CHN1: variants seen among roughly 807,000 people sequenced by gnomAD.
CHN1 encodes the protein N-chimaerin.
CHN1 carries 37 observed loss-of-function variants against 59.5 expected under a neutral mutation model. The observed-to-expected ratio is 0.62, with a 90% confidence interval of 0.48 to 0.82. The LOEUF (loss-of-function observed/expected upper bound fraction) is 0.82. Among genes scored for constraint, CHN1 ranks in the 40% least tolerant of loss-of-function variants. CHN1 has a pLI of 0.00. For synonymous variants in CHN1, 206 were observed against 200.4 expected (o/e 1.03, Z -0.24); for missense variants, 469 against 571.0 (o/e 0.82, Z 1.82).
chr2:174,831,278 T>G (rs981233333), intron 7 of CHN1, among the ~76,000 whole-genome samples: 1 of 152,254 alleles, frequency 6.6e-6, no homozygotes, highest in African/African-American at 2.4e-5. Context: ...TATGGTTTCC[T>G]TTATGATCCA....
Position 175,004,818 on chromosome 2 carries a change from A to G in CHN1, c.19+76T>C, listed in dbSNP as rs2105479204. 14 of 955,890 alleles carry G rather than the reference A, an allele frequency of 1.5e-5. No homozygotes were observed. The South Asian group carries it at 6.4e-4, about 44-fold the overall frequency. 59.2% of individuals were successfully genotyped at this position (955,890 alleles called of 1,614,324 possible). ...CGCCGCGCCCCCTCCCCGGGCGCCC[A>G]GGCCCCCCAGGCCCCCGCCCCCGAG... On this transcript the variant is annotated intron_variant, in intron 1 of 12. Coordinates refer to ENST00000409900, the MANE Select transcript of CHN1 (RefSeq NM_001822.7).
intron 1 of CHN1, among the ~76,000 whole-genome samples, chr2:174,972,116 G>A (rs1479429278): frequency 2.0e-5 from 3 of 152,092 alleles, no homozygotes; most frequent in Non-Finnish European, 4.4e-5. Context: ...TATCCCTTAT[G>A]GTCAGGTTCA....
intron 7 of CHN1, among the ~76,000 whole-genome samples, chr2:174,830,956 A>G (rs1052740180): frequency 6.6e-6 from 1 of 152,206 alleles, no homozygotes; most frequent in African/African-American, 2.4e-5. Flanking sequence ...CAAAATTGAG[A>G]GAAATACCAT....
At chr2:174,947,577 C>A (rs992255324) in intron 2 of CHN1, among the ~76,000 whole-genome samples, 4 of 151,284 alleles carry the variant, frequency 2.6e-5, no homozygotes, top group Non-Finnish European at 4.4e-5. Flanking sequence ...CTCAACCTCC[C>A]GAGTTCAAGC....
At chr2:174,877,401 A>G (rs1263757056) in intron 6 of CHN1, among the ~76,000 whole-genome samples, 2 of 152,040 alleles carry the variant, frequency 1.3e-5, no homozygotes, top group African/African-American at 4.8e-5. Context: ...CATAATATAC[A>G]CACACACATA....
At chr2:174,811,879 C>G (rs1280881803) in intron 9 of CHN1, among the ~76,000 whole-genome samples, 1 of 152,118 alleles carries the variant, frequency 6.6e-6, no homozygotes, top group East Asian at 1.9e-4. Flanking sequence ...TTTTACATAA[C>G]AGAAGACTAA....
rs376929494 is a variant in CHN1, at chr2:174,929,609, C to G, written c.115-11044G>C. Among the ~76,000 whole-genome samples, 38 of 151,916 alleles carry G rather than the reference C, an allele frequency of 2.5e-4. No individual in the cohort carries two copies. In the East Asian group the frequency reaches 6.8e-3, roughly 27 times the overall value. On this transcript the variant is annotated intron_variant, in intron 3 of 12. Coordinates refer to ENST00000409900, the MANE Select transcript of CHN1 (RefSeq NM_001822.7). Reference sequence around the variant, plus strand: ...AAAAAGGAAAAATATTTGAGAAAACCCTTTGCGAAAAACTCAGCTTCTTAA... The same window carrying G: ...AAAAAGGAAAAATATTTGAGAAAACGCTTTGCGAAAAACTCAGCTTCTTAA...
At chr2:174,965,386 T>TAA (rs1195027210) in intron 1 of CHN1, among the ~76,000 whole-genome samples, 1 of 152,158 alleles carries the variant, frequency 6.6e-6, no homozygotes, top group African/African-American at 2.4e-5. Flanking sequence ...AGTTTAAACC[T>TAA]GCTTAACGTT....
chr2:174,812,768 A>G lies in CHN1; in HGVS notation c.713-286T>C, dbSNP rs191560596. On this transcript the variant is annotated intron_variant, in intron 8 of 12. Transcript: ENST00000409900. Reference sequence around the variant, plus strand: ...AATCAAAATTAATGTTTTTAATTCAATGTCCACAAAATATGTCAAATAGCC... The same window carrying G: ...AATCAAAATTAATGTTTTTAATTCAGTGTCCACAAAATATGTCAAATAGCC... Among the ~76,000 whole-genome samples the G allele has an allele frequency of 1.1e-4, 16 of 152,336 alleles. No individual in the cohort carries two copies. The East Asian group carries it at 2.9e-3, about 28-fold the overall frequency.
chr2:174,935,241 A>G (rs954804308), intron 3 of CHN1, among the ~76,000 whole-genome samples: 16 of 152,218 alleles, frequency 1.1e-4, no homozygotes, highest in African/African-American at 3.9e-4. Flanking sequence ...CTACCGCTCC[A>G]TTCCCCACCT....
At chr2:174,945,129 T>C in intron 2 of CHN1, 186 bp from the exon 3 acceptor site, 1 of 533,948 alleles carries the variant, frequency 1.9e-6, no homozygotes, top group Non-Finnish European at 3.4e-6. Context: ...CCAGGAGCAA[T>C]TCAAACAGAA....
At chr2:174,846,435 A>G (rs1173092377) in intron 7 of CHN1, 1 of 1,532,186 alleles carries the variant, frequency 6.5e-7, no homozygotes, top group Non-Finnish European at 8.8e-7. Context: ...GAAAAGACAG[A>G]AACTATGAGA....
At chr2:174,868,487 G>A (rs1687299647) in intron 6 of CHN1, among the ~76,000 whole-genome samples, 1 of 152,006 alleles carries the variant, frequency 6.6e-6, no homozygotes, top group Non-Finnish European at 1.5e-5. Context: ...ATCACTGGAG[G>A]GCCCACTCCA....
chr2:174,805,155 GGA>G (rs1012428888), intron 11 of CHN1, among the ~76,000 whole-genome samples: 18 of 152,316 alleles, frequency 1.2e-4, no homozygotes, highest in African/African-American at 3.6e-4. Flanking sequence ...ACTGCCAATG[GGA>G]GAGAGTTATG....
intron 1 of CHN1, among the ~76,000 whole-genome samples, chr2:174,957,447 G>GGGT (rs1690244075): frequency 2.9e-5 from 1 of 34,354 alleles, no homozygotes; most frequent in African/African-American, 1.2e-4. Context: ...TGTGTGTGTT[G>GGGT]GGGGGGGGGG....
intron 11 of CHN1, chr2:174,802,191 T>C (rs1001494960): frequency 9.2e-6 from 2 of 216,500 alleles, no homozygotes; most frequent in African/African-American, 2.3e-5. Flanking sequence ...ATAATACTTA[T>C]AGAATGGTAC....
At chr2:174,895,213 T>TATACAC (rs755454217) in intron 5 of CHN1, among the ~76,000 whole-genome samples, 5 of 142,420 alleles carry the variant, frequency 3.5e-5, no homozygotes, top group East Asian at 4.2e-4. Flanking sequence ...TATATATATA[T>TATACAC]ACACACACAC....
At chr2:174,850,413 T>C (rs1038342615) in intron 6 of CHN1, among the ~76,000 whole-genome samples, 2 of 152,200 alleles carry the variant, frequency 1.3e-5, no homozygotes, top group Non-Finnish European at 2.9e-5. Context: ...TCAGAGAAAC[T>C]GAAGTTTGAA....
intron 1 of CHN1, among the ~76,000 whole-genome samples, chr2:174,966,008 C>T (rs995097175): frequency 6.6e-6 from 1 of 152,114 alleles, no homozygotes; most frequent in African/African-American, 2.4e-5. Flanking sequence ...ATAACATACA[C>T]GATTCTAAAC....
Sources: gnomAD v4.1 joint callset for allele counts (sites outside exome capture counted in the v4.1 genomes callset) on GRCh38, gnomAD v4.1.1 for gene constraint, MANE v1.5 for transcripts, NCBI Gene and HGNC (gene_info 2026-07-23, HGNC 2026-07-21) for gene names.